The following CACNB2 variants were observed in gnomAD, a reference collection of about 807,000 sequenced individuals.
CACNB2 encodes calcium voltage-gated channel auxiliary subunit beta 2.
Under a neutral mutation model 73.3 loss-of-function variants are expected in CACNB2, and 42 were observed. That is an observed-to-expected ratio of 0.57 (90% CI 0.45 to 0.74). The LOEUF is 0.74. Ranked by LOEUF, CACNB2 falls within the 30% of genes least tolerant of loss-of-function variation. The pLI is 0.00. For missense variants in CACNB2, 940 were observed against 853.0 expected (o/e 1.10, Z -1.27); for synonymous variants, 348 against 310.3 (o/e 1.12, Z -1.28).
chr10:18,263,530 AT>A (rs1441845533), intron 2 of CACNB2, among the ~76,000 whole-genome samples: 1 of 152,222 alleles, frequency 6.6e-6, no homozygotes, highest in African/African-American at 2.4e-5. Flanking sequence ...TGTAATATAA[AT>A]CAATTGATAA....
chr10:18,220,110 A>AATAT (rs1165921150), intron 2 of CACNB2, among the ~76,000 whole-genome samples: 62 of 32,708 alleles, frequency 1.9e-3, no homozygotes, highest in Admixed American at 3.6e-3. Flanking sequence ...TTTATTTTTT[A>AATAT]ATATATATAT....
At chr10:18,493,002 C>T (rs2049545993) in intron 3 of CACNB2, among the ~76,000 whole-genome samples, 1 of 152,040 alleles carries the variant, frequency 6.6e-6, no homozygotes, top group Admixed American at 6.6e-5. Flanking sequence ...ATTCAACCAA[C>T]TGTGGATTGA....
At chr10:18,173,190 G>C (rs1468301227) in intron 2 of CACNB2, among the ~76,000 whole-genome samples, 2 of 152,142 alleles carry the variant, frequency 1.3e-5, no homozygotes, top group Non-Finnish European at 2.9e-5. Flanking sequence ...AAAGTGCTGG[G>C]ATTATAGGCA....
At chr10:18,348,387 C>G (rs2041560121) in intron 2 of CACNB2, among the ~76,000 whole-genome samples, 1 of 152,130 alleles carries the variant, frequency 6.6e-6, no homozygotes, top group South Asian at 2.1e-4. Flanking sequence ...ATGTTTGGCA[C>G]TGTAGCTGGA....
intron 2 of CACNB2, among the ~76,000 whole-genome samples, chr10:18,347,272 G>C (rs2041498753): frequency 6.6e-6 from 1 of 151,130 alleles, no homozygotes; most frequent in South Asian, 2.1e-4. Flanking sequence ...CCGCCTCCCA[G>C]ATGTAAGCAA....
chr10:18,445,245 G>A (rs1225574232), intron 3 of CACNB2, among the ~76,000 whole-genome samples: 1 of 152,202 alleles, frequency 6.6e-6, no homozygotes, highest in Admixed American at 6.5e-5. Flanking sequence ...AAATTGTCTA[G>A]CAGCTGGCAC....
chr10:18,429,996 A>C (rs1350122453), intron 3 of CACNB2, among the ~76,000 whole-genome samples: 1 of 151,960 alleles, frequency 6.6e-6, no homozygotes, highest in African/African-American at 2.4e-5. Context: ...AAAACAAAAA[A>C]AGTCAACTTA....
At chr10:18,141,872 C>T (rs1436599867) in intron 1 of CACNB2, among the ~76,000 whole-genome samples, 1 of 152,274 alleles carries the variant, frequency 6.6e-6, no homozygotes, top group African/African-American at 2.4e-5. Flanking sequence ...TGTCTGTTTG[C>T]TTAACTGTGT....
rs143586137 is a variant in CACNB2, at chr10:18,506,778, A to C, written c.670+231A>C. Among the ~76,000 whole-genome samples the C allele has an allele frequency of 4.5e-3, 684 of 152,118 alleles. 3 individuals are homozygous for C. The highest frequency in any genetic ancestry group is 7.6e-3 in the Non-Finnish European group (520 of 68,008). On this transcript the variant is annotated intron_variant, in intron 6 of 13. Coordinates refer to ENST00000324631, the MANE Select transcript of CACNB2 (RefSeq NM_201596.3). ...TGTTTACATTGCTGTAGATGATCAA[A>C]GTGATTAATGTATTTATTTATTTAT...
intron 2 of CACNB2, among the ~76,000 whole-genome samples, chr10:18,247,369 G>A (rs1357367539): frequency 6.6e-6 from 1 of 152,050 alleles, no homozygotes; most frequent in Non-Finnish European, 1.5e-5. Flanking sequence ...TCCCAATAAA[G>A]GACCATTCAA....
intron 2 of CACNB2, among the ~76,000 whole-genome samples, chr10:18,357,697 G>T (rs748110495): frequency 6.6e-6 from 1 of 151,964 alleles, no homozygotes; most frequent in African/African-American, 2.4e-5. Flanking sequence ...TATATTTTTC[G>T]CCCACATGAA....
chr10:18,468,426 A>T (rs905617044), intron 3 of CACNB2, among the ~76,000 whole-genome samples: 11 of 152,106 alleles, frequency 7.2e-5, no homozygotes, highest in African/African-American at 2.4e-4. Context: ...ACACCACTGC[A>T]TTCCAGCCTG....
chr10:18,318,704 A>G (rs1258477638), intron 2 of CACNB2, among the ~76,000 whole-genome samples: 1 of 152,196 alleles, frequency 6.6e-6, no homozygotes, highest in African/African-American at 2.4e-5. Flanking sequence ...CAATCTACCT[A>G]TCTGACAAAG....
intron 2 of CACNB2, among the ~76,000 whole-genome samples, chr10:18,354,601 T>C (rs2132160398): frequency 6.6e-6 from 1 of 152,298 alleles, no homozygotes; most frequent in South Asian, 2.1e-4. Flanking sequence ...TTTGTTGTTG[T>C]TGTTGCTGTT....
At chr10:18,184,652 T>G (rs1367503387) in intron 2 of CACNB2, among the ~76,000 whole-genome samples, 2 of 8,976 alleles carry the variant, frequency 2.2e-4, no homozygotes, top group African/African-American at 6.4e-4. Context: ...AGACTTTGTT[T>G]TTTTTTTTTT....
Position 18,539,991 on chromosome 10 carries a change from C to G in CACNB2, c.*267C>G, listed in dbSNP as rs946740987. 3.0e-5 allele frequency: 11 copies of G among 369,578 alleles called. No homozygotes were observed. Among genetic ancestry groups the G allele is most frequent in the Non-Finnish European group, 5.4e-5 (11 of 203,374 alleles). 22.9% of individuals were successfully genotyped at this position (369,578 alleles called of 1,614,324 possible). ...CTTCAAAAACTGTTTTGGGTAGCTG[C>G]CACTTGAACAAAATCTGTTGCCACC... is the stretch of plus-strand genomic sequence containing the variant. On this transcript the variant is annotated 3_prime_UTR_variant, in exon 14 of 14. Coordinates refer to ENST00000324631, the MANE Select transcript of CACNB2 (RefSeq NM_201596.3).
At chr10:18,539,206 C>T in intron 13 of CACNB2, 24 bp from the exon 14 acceptor site, 1 of 1,613,896 alleles carries the variant, frequency 6.2e-7, no homozygotes, top group Non-Finnish European at 8.5e-7. Context: ...TGGTTAACGC[C>T]TGGTGTGCTC....
intron 6 of CACNB2, among the ~76,000 whole-genome samples, chr10:18,508,070 C>T (rs1490468790): frequency 6.6e-6 from 1 of 152,108 alleles, no homozygotes; most frequent in Non-Finnish European, 1.5e-5. Flanking sequence ...CCACCATGCC[C>T]AGCCATTGGC....
At chr10:18,482,911 C>T (rs1467697108) in intron 3 of CACNB2, among the ~76,000 whole-genome samples, 5 of 152,146 alleles carry the variant, frequency 3.3e-5, no homozygotes, top group Non-Finnish European at 7.4e-5. Context: ...CAATGCACCC[C>T]AGTCATAGTG....
Sources: gnomAD v4.1 joint callset for allele counts (sites outside exome capture counted in the v4.1 genomes callset) on GRCh38, gnomAD v4.1.1 for gene constraint, MANE v1.5 for transcripts, NCBI Gene and HGNC (gene_info 2026-07-23, HGNC 2026-07-21) for gene names.